Variants in ABRAXAS2 observed in about 807,000 individuals in gnomAD.
ABRAXAS2 encodes the protein abraxas 2, BRISC complex subunit.
ABRAXAS2 carries 23 observed loss-of-function variants against 49.0 expected under a neutral mutation model. That is an observed-to-expected ratio of 0.47 (90% CI 0.34 to 0.66). The LOEUF is 0.66. ABRAXAS2 is among the 30% of genes least tolerant of loss of function. The pLI is 0.01. For synonymous variants in ABRAXAS2, 168 were observed against 180.2 expected (o/e 0.93, Z 0.54); for missense variants, 443 against 511.9 (o/e 0.87, Z 1.30).
chr10:124,832,009 T>A (rs1950936761), intron 8 of ABRAXAS2, among the ~76,000 whole-genome samples: 1 of 151,738 alleles, frequency 6.6e-6, no homozygotes, highest in Non-Finnish European at 1.5e-5. Context: ...TCTGCCACCA[T>A]GCCCAGCTAA....
chr10:124,802,375 C>T (rs996801177), intron 1 of ABRAXAS2, among the ~76,000 whole-genome samples: 1 of 152,252 alleles, frequency 6.6e-6, no homozygotes, highest in African/African-American at 2.4e-5. Context: ...GTGGCTGTCA[C>T]TACTGATACT....
At chr10:124,810,566 G>A (rs1950780301) in intron 2 of ABRAXAS2, among the ~76,000 whole-genome samples, 1 of 146,222 alleles carries the variant, frequency 6.8e-6, no homozygotes, top group Admixed American at 7.2e-5. Flanking sequence ...GGTATAGTTA[G>A]TCTTTCGTCG....
At chr10:124,806,518 A>G (rs1321884343) in intron 1 of ABRAXAS2, among the ~76,000 whole-genome samples, 3 of 152,214 alleles carry the variant, frequency 2.0e-5, no homozygotes, top group Non-Finnish European at 4.4e-5. Context: ...AAATATTTCT[A>G]CTTCTTGAGT....
chr10:124,801,912 G>GGCCCCCTGCCGC lies in ABRAXAS2; in HGVS notation c.72+16_72+27dup. 6.2e-7 allele frequency: 1 copy of GGCCCCCTGCCGC among 1,611,432 alleles called. No individual in the cohort carries two copies. The highest frequency in any genetic ancestry group is 1.3e-5 in the African/African-American group (1 of 74,806). Reference sequence around the variant, plus strand: ...AGCAACGCGGACCACGTAGGTGCCGGGCCCCCTGCCGCGCCCGCTGGGGGC... The same window carrying GGCCCCCTGCCGC: ...AGCAACGCGGACCACGTAGGTGCCGGGCCCCCTGCCGCGCCCCCTGCCGCGCCCGCTGGGGGC... On this transcript the variant is annotated intron_variant, in intron 1 of 8. Transcript: ENST00000298492.
Position 124,820,616 on chromosome 10 carries a change from G to A in ABRAXAS2, c.267+1166G>A, listed in dbSNP as rs184281647. On this transcript the variant is annotated intron_variant, in intron 4 of 8. Coordinates refer to ENST00000298492, the MANE Select transcript of ABRAXAS2 (RefSeq NM_032182.4). ...TCTGCCTCAGCCTCCTGAGTAGCTG[G>A]GACTACAGGGGTGCACCACCACACC... 9.1e-3 allele frequency among the ~76,000 whole-genome samples: 1,375 copies of A among 151,836 alleles called. 15 individuals carry two copies. The highest frequency in any genetic ancestry group is 0.023 in the South Asian group (110 of 4,802).
intron 5 of ABRAXAS2, among the ~76,000 whole-genome samples, chr10:124,827,147 T>TGTGCATTATA (rs1369807862): frequency 1.6e-3 from 241 of 147,644 alleles, no homozygotes; most frequent in African/African-American, 5.8e-3. Flanking sequence ...ACTTCAAAAA[T>TGTGCATTATA]GTGCATTATA....
chr10:124,815,855 G>A (rs1280793864), intron 2 of ABRAXAS2, among the ~76,000 whole-genome samples: 1 of 150,088 alleles, frequency 6.7e-6, no homozygotes, highest in Non-Finnish European at 1.5e-5. Flanking sequence ...TAGGGTGAGG[G>A]TGGTTAAGGC....
intron 4 of ABRAXAS2, among the ~76,000 whole-genome samples, chr10:124,820,348 G>T (rs1950854738): frequency 6.6e-6 from 1 of 152,162 alleles, no homozygotes; most frequent in Non-Finnish European, 1.5e-5. Flanking sequence ...GTGGTCCAGT[G>T]CTCTCATACT....
chr10:124,827,100 A>G (rs1950901528), intron 5 of ABRAXAS2, among the ~76,000 whole-genome samples: 1 of 151,926 alleles, frequency 6.6e-6, no homozygotes, highest in Non-Finnish European at 1.5e-5. Flanking sequence ...TCAAAAAAAA[A>G]AAAAAAGGAT....
At chr10:124,807,268 G>A (rs542580453) in intron 2 of ABRAXAS2, among the ~76,000 whole-genome samples, 48 of 101,562 alleles carry the variant, frequency 4.7e-4, no homozygotes, top group African/African-American at 1.5e-3. Flanking sequence ...AGCCGAGATC[G>A]CGCCACTGCA....
intron 1 of ABRAXAS2, among the ~76,000 whole-genome samples, chr10:124,804,010 C>G (rs1480582099): frequency 6.6e-6 from 1 of 152,122 alleles, no homozygotes; most frequent in Non-Finnish European, 1.5e-5. Context: ...AACATTGGCT[C>G]AGATAATCCA....
chr10:124,812,144 A>G (rs542753640), intron 2 of ABRAXAS2, among the ~76,000 whole-genome samples: 3 of 152,356 alleles, frequency 2.0e-5, no homozygotes, highest in African/African-American at 7.2e-5. Context: ...TGCCTCTTGC[A>G]GTAAATACCT....
intron 1 of ABRAXAS2, among the ~76,000 whole-genome samples, chr10:124,805,399 TGGAAATGTTTTTAAACA>T (rs1265146256): frequency 1.3e-5 from 2 of 151,624 alleles, no homozygotes; most frequent in Non-Finnish European, 1.5e-5. Context: ...CACTTTAAAC[TGGAAATGTTTTTAAACA>T]GGAAACTTCA....
chr10:124,815,085 A>G (rs79060532), intron 2 of ABRAXAS2: 3,020 of 152,388 alleles, frequency 0.02, 57 homozygotes, highest in South Asian at 0.078. Flanking sequence ...ATCTTACTGC[A>G]TAGCTAGGCA....
intron 8 of ABRAXAS2, 51 bp downstream of exon 8, chr10:124,831,514 A>T: frequency 1.0e-6 from 1 of 996,648 alleles, no homozygotes. Flanking sequence ...TGTTGTTTTA[A>T]ACATCAGATT....
At chr10:124,805,988 T>G (rs977739960) in intron 1 of ABRAXAS2, among the ~76,000 whole-genome samples, 3 of 152,096 alleles carry the variant, frequency 2.0e-5, no homozygotes, top group Non-Finnish European at 4.4e-5. Flanking sequence ...GTAAATAAGT[T>G]AACCCCTGCA....
chr10:124,804,717 C>CTTTTTTTTTTTTT (rs72458712), intron 1 of ABRAXAS2, among the ~76,000 whole-genome samples: 1 of 131,330 alleles, frequency 7.6e-6, no homozygotes, highest in Non-Finnish European at 1.6e-5. Flanking sequence ...TTTTTTCTTT[C>CTTTTTTTTTTTTT]TTTTTTTTTT....
chr10:124,834,270 TAAC>T (rs1589812603), intron 8 of ABRAXAS2, among the ~76,000 whole-genome samples: 2 of 152,184 alleles, frequency 1.3e-5, no homozygotes, highest in Non-Finnish European at 2.9e-5. Context: ...ACAGTAATAA[TAAC>T]GATAATTATA....
chr10:124,803,674 G>A (rs1950721795), intron 1 of ABRAXAS2, among the ~76,000 whole-genome samples: 1 of 152,202 alleles, frequency 6.6e-6, no homozygotes, highest in Non-Finnish European at 1.5e-5. Flanking sequence ...GGCTGAGGCG[G>A]GCAGATCACC....
Sources: allele counts gnomAD v4.1 joint callset (sites outside exome capture counted in the v4.1 genomes callset), GRCh38; gene constraint gnomAD v4.1.1; transcripts MANE v1.5; gene names NCBI Gene and HGNC (gene_info 2026-07-23, HGNC 2026-07-21).